Variants in MOB3B observed in about 807,000 individuals in gnomAD.
MOB3B encodes the protein MOB kinase activator 3B.
A neutral mutation model predicts 18.7 loss-of-function variants in MOB3B; 7 were observed. That is an observed-to-expected ratio of 0.37 (90% CI 0.21 to 0.70). The LOEUF is 0.70. MOB3B is among the 30% of genes least tolerant of loss of function. The pLI is 0.52. For synonymous variants in MOB3B, 111 were observed against 99.9 expected (o/e 1.11, Z -0.66); for missense variants, 253 against 281.3 (o/e 0.90, Z 0.72).
At chr9:27,527,073 C>T (rs552148822) in intron 1 of MOB3B, among the ~76,000 whole-genome samples, 56 of 152,172 alleles carry the variant, frequency 3.7e-4, no homozygotes, top group Admixed American at 2.0e-4. Context: ...TTTCACCATT[C>T]GATATTTTCT....
chr9:27,353,266 C>T lies in MOB3B; in HGVS notation c.621+5768G>A, dbSNP rs141011622. ...CTCAGATGTACTGAATCAGAACTTG[C>T]ATTTCAGCAAGATCCCTGGTGATTC... On this transcript the variant is annotated intron_variant, in intron 3 of 3. Coordinates refer to ENST00000262244, the MANE Select transcript of MOB3B (RefSeq NM_024761.5). Among the ~76,000 whole-genome samples the T allele has an allele frequency of 5.6e-3, 854 of 152,314 alleles. 6 individuals carry two copies. Among genetic ancestry groups the T allele is most frequent in the Admixed American group, 9.4e-3 (144 of 15,302 alleles).
At chr9:27,333,426 C>CTAG (rs1820817779) in intron 3 of MOB3B, among the ~76,000 whole-genome samples, 1 of 152,156 alleles carries the variant, frequency 6.6e-6, no homozygotes, top group Non-Finnish European at 1.5e-5. Flanking sequence ...CAGAGCCCTC[C>CTAG]CGCAGGCTAG....
chr9:27,349,854 C>T (rs977295966), intron 3 of MOB3B, among the ~76,000 whole-genome samples: 1 of 152,088 alleles, frequency 6.6e-6, no homozygotes, highest in African/African-American at 2.4e-5. Context: ...AAACAATGAA[C>T]GGAAATGCCT....
chr9:27,353,233 CT>C (rs1407508758), intron 3 of MOB3B, among the ~76,000 whole-genome samples: 2 of 152,218 alleles, frequency 1.3e-5, no homozygotes, highest in African/African-American at 4.8e-5. Context: ...ATTCTCGAGT[CT>C]CCTCCTCTCA....
intron 2 of MOB3B, among the ~76,000 whole-genome samples, chr9:27,452,034 A>C (rs560678885): frequency 6.6e-6 from 1 of 152,364 alleles, no homozygotes; most frequent in South Asian, 2.1e-4. Context: ...CACCTTGGAA[A>C]AGTTAAACAG....
At chr9:27,431,565 A>G (rs1205479323) in intron 2 of MOB3B, among the ~76,000 whole-genome samples, 1 of 152,226 alleles carries the variant, frequency 6.6e-6, no homozygotes, top group Non-Finnish European at 1.5e-5. Flanking sequence ...CATGAGGACC[A>G]GTGATGTAAA....
chr9:27,461,385 G>C (rs1229705589), intron 1 of MOB3B, among the ~76,000 whole-genome samples: 1 of 152,200 alleles, frequency 6.6e-6, no homozygotes, highest in African/African-American at 2.4e-5. Flanking sequence ...GACAACCCCA[G>C]AATGGAAGAG....
chr9:27,364,164 G>A (rs955328208), intron 2 of MOB3B, among the ~76,000 whole-genome samples: 1 of 152,162 alleles, frequency 6.6e-6, no homozygotes, highest in Non-Finnish European at 1.5e-5. Flanking sequence ...CACCTCGAAC[G>A]GACACTTGGC....
At chr9:27,446,708 G>C (rs1386556994) in intron 2 of MOB3B, among the ~76,000 whole-genome samples, 1 of 152,088 alleles carries the variant, frequency 6.6e-6, no homozygotes, top group Non-Finnish European at 1.5e-5. Context: ...ATTGTGTCAG[G>C]GGCTTCACAC....
chr9:27,460,349 C>A (rs1009160091), intron 1 of MOB3B, among the ~76,000 whole-genome samples: 21 of 152,176 alleles, frequency 1.4e-4, no homozygotes, highest in African/African-American at 5.1e-4. Flanking sequence ...TCAATTATAA[C>A]AATAAAACAT....
At chr9:27,486,034 C>T (rs542663191) in intron 1 of MOB3B, among the ~76,000 whole-genome samples, 1 of 152,202 alleles carries the variant, frequency 6.6e-6, no homozygotes, top group Non-Finnish European at 1.5e-5. Context: ...GTGGAGCTTA[C>T]AGTCTGTTGG....
rs1822858284 is a variant in MOB3B at position 27,455,673 on chromosome 9, G to A, written c.-123C>T. 3.3e-6 allele frequency: 5 copies of A among 1,534,354 alleles called. No homozygotes were observed. In the African/African-American group the frequency reaches 5.5e-5, roughly 17 times the overall value. On this transcript the variant is annotated 5_prime_UTR_variant, in exon 2 of 4. Transcript: ENST00000262244. Reference sequence around the variant, plus strand: ...CACTCAGGCCCCAGTCTTACAGCCTGTAGCTTTTAAGCTCTTCTAAACAGC... The same window carrying A: ...CACTCAGGCCCCAGTCTTACAGCCTATAGCTTTTAAGCTCTTCTAAACAGC...
rs1430124518 is a variant in MOB3B, at chr9:27,487,176, G to A, written c.-198-31428C>T. ...ATAAAATAAATAAATAATTCTTAGCGTTGGGAGGCAATTCTCCATAACGTT... is the reference window on the plus strand; with the variant it reads ...ATAAAATAAATAAATAATTCTTAGCATTGGGAGGCAATTCTCCATAACGTT... On this transcript the variant is annotated intron_variant, in intron 1 of 3. Transcript: ENST00000262244. 1.5e-4 allele frequency among the ~76,000 whole-genome samples: 10 copies of A among 67,470 alleles called. No homozygotes were observed. In the East Asian group the frequency reaches 4.3e-3, roughly 29 times the overall value. The allele number at this position is 67,470 out of a possible 152,430, so 44.3% of individuals were successfully genotyped here.
chr9:27,383,392 A>G (rs999309220), intron 2 of MOB3B, among the ~76,000 whole-genome samples: 19 of 152,230 alleles, frequency 1.2e-4, no homozygotes, highest in African/African-American at 4.6e-4. Flanking sequence ...CAGGTTTTAT[A>G]GTTGGAGAAA....
At chr9:27,361,653 T>A (rs1280717297) in intron 2 of MOB3B, among the ~76,000 whole-genome samples, 1 of 152,216 alleles carries the variant, frequency 6.6e-6, no homozygotes, top group Non-Finnish European at 1.5e-5. Context: ...AACTGAGCCC[T>A]CAGAACAGGC....
chr9:27,481,520 GTT>G (rs1224985717), intron 1 of MOB3B, among the ~76,000 whole-genome samples: 2 of 91,726 alleles, frequency 2.2e-5, no homozygotes, highest in Middle Eastern at 4.9e-3. Context: ...TGTTTTTTTT[GTT>G]TTTTTTTTTT....
intron 2 of MOB3B, among the ~76,000 whole-genome samples, chr9:27,430,947 C>T (rs1362286412): frequency 6.6e-6 from 1 of 151,684 alleles, no homozygotes; most frequent in African/African-American, 2.4e-5. Flanking sequence ...AAAAAAATCC[C>T]AGTCAAAGAT....
At position 27,370,581 on chromosome 9, in the gene MOB3B, G is replaced by A. The variant is rs1157881138; in HGVS notation, c.419-11345C>T. ...GAAGTTATAGCAAAAACTGCCATCT[G>A]TGAAACAGGAAGCAAGGCCTCACCA... On this transcript the variant is annotated intron_variant, in intron 2 of 3. Coordinates refer to ENST00000262244, the MANE Select transcript of MOB3B (RefSeq NM_024761.5). 2.6e-5 allele frequency among the ~76,000 whole-genome samples: 4 copies of A among 151,544 alleles called. No individual in the cohort carries two copies. The East Asian group carries it at 7.7e-4, about 29-fold the overall frequency.
At chr9:27,345,068 A>G (rs1455354548) in intron 3 of MOB3B, among the ~76,000 whole-genome samples, 1 of 152,246 alleles carries the variant, frequency 6.6e-6, no homozygotes, top group East Asian at 1.9e-4. Flanking sequence ...ATGGTGATCC[A>G]GTATGCAGCA....
Sources: gnomAD v4.1 joint callset for allele counts (sites outside exome capture counted in the v4.1 genomes callset) on GRCh38, gnomAD v4.1.1 for gene constraint, MANE v1.5 for transcripts, NCBI Gene and HGNC (gene_info 2026-07-23, HGNC 2026-07-21) for gene names.